The following NARF variants were observed in gnomAD, a reference collection of about 807,000 sequenced individuals.
NARF encodes iron-only hydrogenase-like protein 2.
In NARF, 41 loss-of-function variants were observed where a neutral mutation model predicts 48.0. The ratio of observed to expected loss-of-function variants is 0.85; its 90% CI spans 0.66 to 1.11. The LOEUF (loss-of-function observed/expected upper bound fraction) is 1.11, where lower values mean the gene tolerates loss of function less well. Among genes scored for constraint, NARF ranks in the 50% least tolerant of loss-of-function variants. NARF has a pLI of 0.00. For missense variants in NARF, 613 were observed against 590.2 expected, an observed-to-expected ratio of 1.04 and a Z score of -0.40; for synonymous variants, 215 against 225.5, an observed-to-expected ratio of 0.95 and a Z score of 0.42.
At chr17:82,460,801 T>C (rs989106787) in intron 2 of NARF, 3 of 152,158 alleles carry the variant, frequency 2.0e-5, no homozygotes, top group Non-Finnish European at 4.4e-5. Flanking sequence ...AATAAAGACA[T>C]GTGTGAGACA....
intron 5 of NARF, among the ~76,000 whole-genome samples, chr17:82,474,510 TTCTAC>T (rs1165470421): frequency 1.3e-5 from 2 of 152,196 alleles, no homozygotes. Context: ...TTAAAAATTA[TTCTAC>T]TACATGAGGC....
chr17:82,464,305 T>C lies in NARF; in HGVS notation c.127T>C (p.Leu43=). Reference sequence around the variant, plus strand: ...TTCATAGAAGGGAGAATTCCACAAGTTGGCTGATGCCAAGATATTTTTGAG... The same window carrying C: ...TTCATAGAAGGGAGAATTCCACAAGCTGGCTGATGCCAAGATATTTTTGAG... The part of the protein sequence containing the change: ...ENGEKGEFHK[L]ADAKIFLSDC... Residue 43 remains leucine (L), a synonymous_variant, in exon 3 of 11, where the codon TTG becomes CTG. Coordinates refer to ENST00000309794, the MANE Select transcript of NARF (RefSeq NM_012336.4). 1 of 1,613,620 alleles carries C rather than the reference T, an allele frequency of 6.2e-7. No homozygotes were observed. Among genetic ancestry groups the C allele is most frequent in the South Asian group, 1.1e-5 (1 of 90,994 alleles).
Position 82,464,391 on chromosome 17 carries a change from A to G in NARF, c.213A>G (p.Gln71=), listed in dbSNP as rs755956825. The G allele has an allele frequency of 9.3e-6, 15 of 1,613,888 alleles. No homozygotes were observed. The East Asian group carries it at 3.3e-4, about 36-fold the overall frequency. The change falls in exon 3 of 11, where the codon CAA becomes CAG. Residue 71 remains glutamine (Q), a synonymous_variant. Coordinates refer to ENST00000309794, the MANE Select transcript of NARF (RefSeq NM_012336.4). ...TAEEGVQLSQ[Q]NAKDFFRVLN... ...AGGAAGGAGTCCAACTTTCCCAGCA[A>G]AATGCCAAGGACTTCTTCCGCGTTC... is the stretch of plus-strand genomic sequence containing the variant.
At chr17:82,482,441 TC>T (rs2043992458) in intron 7 of NARF, 4 of 169,124 alleles carry the variant, frequency 2.4e-5, no homozygotes, top group African/African-American at 9.9e-5. Context: ...CGGTGGGCTG[TC>T]AGAAGAACCA....
chr17:82,460,188 G>T, intron 2 of NARF, 116 bp downstream of exon 2: 1 of 845,898 alleles, frequency 1.2e-6, no homozygotes, highest in East Asian at 2.9e-5. Flanking sequence ...GAAGTACGCG[G>T]GCATGGTGGC....
At position 82,458,830 on chromosome 17, in the gene NARF, GGT is replaced by G. The variant is rs777519428; in HGVS notation, c.27+2_27+3del. Reference sequence around the variant, plus strand: ...TGAAGTGTGAGCACTGCACGCGCAAGGTGAGCGCCGCGGGCCGGGGAGGCGCG... The same window carrying G: ...TGAAGTGTGAGCACTGCACGCGCAAGGAGCGCCGCGGGCCGGGGAGGCGCG... On this transcript the variant is annotated splice_donor_variant, in intron 1 of 10. Coordinates refer to ENST00000309794, the MANE Select transcript of NARF (RefSeq NM_012336.4). LOFTEE classifies it high-confidence loss of function. 1 of 1,409,534 alleles carries G rather than the reference GGT, an allele frequency of 7.1e-7. No homozygotes were observed. The highest frequency in any genetic ancestry group is 9.2e-7 in the Non-Finnish European group (1 of 1,083,158). The allele number at this position is 1,409,534 out of a possible 1,614,324, so 87.3% of individuals were successfully genotyped here. A position where few individuals can be genotyped will look rare whatever the true frequency, so the allele number is the denominator to read the frequency against.
chr17:82,478,040 C>T (rs1389088375), intron 5 of NARF: 1 of 153,974 alleles, frequency 6.5e-6, no homozygotes, highest in Non-Finnish European at 1.4e-5. Context: ...CTCTCATGTA[C>T]ACAGGTGTGC....
chr17:82,463,361 C>T (rs2043482177), intron 2 of NARF: 2 of 152,244 alleles, frequency 1.3e-5, no homozygotes, highest in Admixed American at 6.5e-5. Context: ...CATGAGCTTA[C>T]ATTTTAGCGA....
At chr17:82,485,060 C>CA (rs2044066209) in intron 9 of NARF, 110 bp downstream of exon 9, 3 of 1,324,662 alleles carry the variant, frequency 2.3e-6, no homozygotes, top group Non-Finnish European at 3.0e-6. Context: ...TTACACTAGT[C>CA]AAAATCAAAA....
chr17:82,479,769 C>T (rs111718169), intron 6 of NARF, among the ~76,000 whole-genome samples: 2 of 152,300 alleles, frequency 1.3e-5, no homozygotes, highest in African/African-American at 4.8e-5. Flanking sequence ...TAGCAATAGG[C>T]AGTGTTTTCC....
intron 8 of NARF, 153 bp from the exon 9 acceptor site, chr17:82,484,660 A>G (rs947560266): frequency 1.2e-5 from 11 of 910,466 alleles, no homozygotes; most frequent in Non-Finnish European, 1.6e-5. Flanking sequence ...AGATGCTAGA[A>G]TGGGACTTTC....
In NARF at chr17:82,458,765, G is replaced by C. The variant is rs758599990; in HGVS notation, c.-39G>C. The C allele has an allele frequency of 2.4e-5, 35 of 1,473,396 alleles. No individual in the cohort carries two copies. The Middle Eastern group carries it at 5.9e-4, about 25-fold the overall frequency. 91.3% of individuals were successfully genotyped at this position (1,473,396 alleles called of 1,614,324 possible). ...TGTCCCAGTCTCCCGGTGCTTCCCTGAGGCTGAGGCGCCCGGCCTCCCGCC... is the reference window on the plus strand; with the variant it reads ...TGTCCCAGTCTCCCGGTGCTTCCCTCAGGCTGAGGCGCCCGGCCTCCCGCC... On this transcript the variant is annotated 5_prime_UTR_variant, in exon 1 of 11. Transcript: ENST00000309794.
intron 3 of NARF, 199 bp from the exon 4 acceptor site, chr17:82,468,553 TTTTAAAAAAATA>T (rs2043623966): frequency 5.7e-6 from 3 of 530,792 alleles, no homozygotes; most frequent in Non-Finnish European, 9.7e-6. Flanking sequence ...AAATCCTGAC[TTTTAAAAAAATA>T]TTTACCAGAA....
At chr17:82,473,336 C>G (rs564532567) in intron 5 of NARF, among the ~76,000 whole-genome samples, 7 of 141,466 alleles carry the variant, frequency 4.9e-5, no homozygotes, top group African/African-American at 1.9e-4. Flanking sequence ...AGTCTGTTGC[C>G]CAGGCTGGAG....
intron 4 of NARF, among the ~76,000 whole-genome samples, chr17:82,472,225 G>A (rs1001570611): frequency 9.9e-5 from 15 of 152,184 alleles, no homozygotes; most frequent in African/African-American, 3.4e-4. Flanking sequence ...GTTCACGCCT[G>A]TAATTCCAGC....
intron 2 of NARF, chr17:82,463,068 A>G (rs540158473): frequency 1.3e-5 from 2 of 152,252 alleles, no homozygotes; most frequent in East Asian, 3.9e-4. Flanking sequence ...GCACAGAGAC[A>G]TGGGGTCATG....
chr17:82,481,251 T>G, intron 7 of NARF, 40 bp downstream of exon 7: 4 of 1,610,096 alleles, frequency 2.5e-6, no homozygotes, highest in Non-Finnish European at 2.5e-6. Context: ...GCTGGGGTAA[T>G]CTCCTACTGG....
At chr17:82,472,415 C>T (rs750865100) in intron 4 of NARF, 149 bp from the exon 5 acceptor site, 89 of 744,882 alleles carry the variant, frequency 1.2e-4, no homozygotes, top group Non-Finnish European at 1.6e-4. Context: ...ACCTGGGAGG[C>T]GGAGGTTGCA....
chr17:82,464,555 G>C (rs2043516329), intron 3 of NARF, 125 bp downstream of exon 3: 1 of 1,218,248 alleles, frequency 8.2e-7, no homozygotes, highest in African/African-American at 1.5e-5. Flanking sequence ...TTTTCCTGGT[G>C]TTGCTAACAT....
Sources: allele counts gnomAD v4.1 joint callset (sites outside exome capture counted in the v4.1 genomes callset), GRCh38; gene constraint gnomAD v4.1.1; transcripts MANE v1.5; gene names NCBI Gene and HGNC (gene_info 2026-07-23, HGNC 2026-07-21).